ALDH1A2: variants seen among roughly 807,000 people sequenced by gnomAD.
ALDH1A2 encodes the protein aldehyde dehydrogenase 1 family member A2, also known as retinal dehydrogenase 2.
ALDH1A2 carries 27 observed loss-of-function variants against 60.3 expected under a neutral mutation model. The ratio of observed to expected loss-of-function variants is 0.45; its 90% CI spans 0.33 to 0.62. ALDH1A2 has a LOEUF of 0.62. Among genes scored for constraint, ALDH1A2 ranks in the 20% least tolerant of loss-of-function variants. The probability of loss-of-function intolerance (pLI) is 0.02; values close to 1 mark genes in which losing one functional copy is unlikely to be tolerated. For missense variants in ALDH1A2, 581 were observed against 643.8 expected (o/e 0.90, Z 1.06); for synonymous variants, 289 against 232.4 (o/e 1.24, Z -2.21).
At chr15:58,013,409 G>T (rs35362001) in intron 3 of ALDH1A2, among the ~76,000 whole-genome samples, 2 of 152,274 alleles carry the variant, frequency 1.3e-5, no homozygotes, top group South Asian at 2.1e-4. Context: ...TCAAAATTCA[G>T]TGAGAAAAGA....
chr15:58,060,554 T>A (rs1375394784), intron 1 of ALDH1A2, among the ~76,000 whole-genome samples: 1 of 144,318 alleles, frequency 6.9e-6, no homozygotes, highest in Non-Finnish European at 1.5e-5. Context: ...TAACTGTCCA[T>A]GTAGCTGATA....
intron 1 of ALDH1A2, among the ~76,000 whole-genome samples, chr15:58,050,850 G>A (rs1896756697): frequency 6.6e-6 from 1 of 152,156 alleles, no homozygotes; most frequent in African/African-American, 2.4e-5. Context: ...AAACCACTAT[G>A]TTTAAATGTG....
intron 7 of ALDH1A2, among the ~76,000 whole-genome samples, chr15:57,977,811 G>C (rs11631127): frequency 0.41 from 62,989 of 152,026 alleles, 14,179 homozygotes; most frequent in Non-Finnish European, 0.52. Context: ...GGGCAGTATG[G>C]CCATTTTTGT....
At chr15:58,000,510 C>G (rs570542621) in intron 4 of ALDH1A2, among the ~76,000 whole-genome samples, 1 of 151,942 alleles carries the variant, frequency 6.6e-6, no homozygotes, top group Non-Finnish European at 1.5e-5. Context: ...ATTAACTCAC[C>G]TGTTAGAAAT....
chr15:57,980,199 G>A (rs1463109070), intron 7 of ALDH1A2: 1 of 307,696 alleles, frequency 3.2e-6, no homozygotes, highest in Admixed American at 4.0e-5. Flanking sequence ...TTCTGCTCCT[G>A]CTTCTCTGAG....
intron 7 of ALDH1A2, 110 bp downstream of exon 7, chr15:57,992,595 A>T (rs1275183628): frequency 5.1e-6 from 5 of 972,218 alleles, no homozygotes; most frequent in African/African-American, 1.6e-5. Flanking sequence ...GGGCTTGGGT[A>T]CTCACTGCCC....
At chr15:57,975,831 A>G (rs181224357) in intron 7 of ALDH1A2, among the ~76,000 whole-genome samples, 2 of 152,006 alleles carry the variant, frequency 1.3e-5, no homozygotes, top group African/African-American at 2.4e-5. Flanking sequence ...GGGTGGAGAG[A>G]GAGATAAGAC....
chr15:58,039,736 T>A (rs1349146665), intron 1 of ALDH1A2, among the ~76,000 whole-genome samples: 8 of 151,790 alleles, frequency 5.3e-5, no homozygotes, highest in African/African-American at 1.9e-4. Context: ...GTTAAGTGAC[T>A]CACAACATTG....
At chr15:57,961,522 C>G (rs1209100337) in intron 10 of ALDH1A2, among the ~76,000 whole-genome samples, 2 of 152,168 alleles carry the variant, frequency 1.3e-5, no homozygotes, top group African/African-American at 4.8e-5. Context: ...TCACTTGATT[C>G]CACTGTGTAT....
chr15:57,978,462 G>C (rs1595631377), intron 7 of ALDH1A2, among the ~76,000 whole-genome samples: 1 of 152,150 alleles, frequency 6.6e-6, no homozygotes, highest in African/African-American at 2.4e-5. Context: ...TTTTGTCATT[G>C]GTTCCGTTTG....
intron 1 of ALDH1A2, among the ~76,000 whole-genome samples, chr15:58,030,885 GACAA>G (rs1229869080): frequency 6.6e-6 from 1 of 152,012 alleles, no homozygotes; most frequent in East Asian, 1.9e-4. Flanking sequence ...TAAAAGAGGA[GACAA>G]ACAGACGGAA....
At chr15:57,970,180 C>T (rs762048836) in intron 7 of ALDH1A2, among the ~76,000 whole-genome samples, 5 of 152,244 alleles carry the variant, frequency 3.3e-5, no homozygotes, top group Non-Finnish European at 7.3e-5. Flanking sequence ...ACCACAGCTG[C>T]ACTGAATGAT....
At chr15:58,044,888 T>G (rs746126290) in intron 1 of ALDH1A2, among the ~76,000 whole-genome samples, 2 of 151,906 alleles carry the variant, frequency 1.3e-5, no homozygotes, top group Non-Finnish European at 2.9e-5. Context: ...TACAATTTCA[T>G]GGCAACAAAG....
At chr15:57,958,667 G>C (rs1206108949) in intron 12 of ALDH1A2, among the ~76,000 whole-genome samples, 1 of 152,180 alleles carries the variant, frequency 6.6e-6, no homozygotes, top group African/African-American at 2.4e-5. Context: ...AAATAATTCT[G>C]TGTAGACGGA....
chr15:57,979,284 A>G (rs1272210697), intron 7 of ALDH1A2, among the ~76,000 whole-genome samples: 2 of 151,422 alleles, frequency 1.3e-5, no homozygotes, highest in Admixed American at 6.6e-5. Context: ...ATTCCTCAGG[A>G]AAAAAAAATG....
chr15:57,960,660 T>G (rs1346187173), intron 12 of ALDH1A2, 110 bp downstream of exon 12: 6 of 916,168 alleles, frequency 6.5e-6, no homozygotes, highest in African/African-American at 1.6e-5. Context: ...CACGAAATGT[T>G]TGTTGAATGT....
intron 5 of ALDH1A2, among the ~76,000 whole-genome samples, chr15:57,994,270 C>T (rs2140492880): frequency 6.6e-6 from 1 of 152,290 alleles, no homozygotes; most frequent in African/African-American, 2.4e-5. Context: ...TTCACAGTAA[C>T]CTGGGATTCA....
chr15:58,054,890 T>C (rs1289588553), intron 1 of ALDH1A2, among the ~76,000 whole-genome samples: 1 of 152,264 alleles, frequency 6.6e-6, no homozygotes, highest in African/African-American at 2.4e-5. Context: ...ATACCTAAAG[T>C]GTCAAATTGT....
At chr15:57,979,198 A>G (rs1894391487) in intron 7 of ALDH1A2, among the ~76,000 whole-genome samples, 1 of 152,130 alleles carries the variant, frequency 6.6e-6, no homozygotes, top group African/African-American at 2.4e-5. Flanking sequence ...TGGGAGCCTG[A>G]GATATTTAGC....
Sources: gnomAD v4.1 joint callset for allele counts (sites outside exome capture counted in the v4.1 genomes callset) on GRCh38, gnomAD v4.1.1 for gene constraint, MANE v1.5 for transcripts, NCBI Gene and HGNC (gene_info 2026-07-23, HGNC 2026-07-21) for gene names.